SEC24A: variants seen among roughly 807,000 people sequenced by gnomAD.
The protein encoded by SEC24A is SEC24 homolog A, COPII component.
A neutral mutation model predicts 129.4 loss-of-function variants in SEC24A; 93 were observed. The ratio of observed to expected loss-of-function variants is 0.72; its 90% CI spans 0.61 to 0.85. The LOEUF (loss-of-function observed/expected upper bound fraction) is 0.85. Ranked by LOEUF, SEC24A falls within the 40% of genes least tolerant of loss-of-function variation. The pLI is 0.00. For missense variants in SEC24A, 1,264 were observed against 1,307.4 expected, an observed-to-expected ratio of 0.97 and a Z score of 0.51; for synonymous variants, 460 against 467.3, an observed-to-expected ratio of 0.98 and a Z score of 0.20.
chr5:134,721,561 C>CAAAA (rs757908828), intron 21 of SEC24A, among the ~76,000 whole-genome samples: 11 of 55,396 alleles, frequency 2.0e-4, no homozygotes, highest in South Asian at 6.0e-4. Context: ...GACTCCATCT[C>CAAAA]AAAAAAAAAA....
chr5:134,693,457 G>T, intron 12 of SEC24A: 1 of 1,377,234 alleles, frequency 7.3e-7, no homozygotes, highest in Non-Finnish European at 9.4e-7. Context: ...AACTGTGATG[G>T]TTCTTTTGGA....
chr5:134,662,973 A>G (rs1157580850), intron 2 of SEC24A, among the ~76,000 whole-genome samples: 1 of 152,166 alleles, frequency 6.6e-6, no homozygotes, highest in Non-Finnish European at 1.5e-5. Context: ...GCTCCGGCCT[A>G]GGTGACAGAG....
chr5:134,697,246 G>T lies in SEC24A; in HGVS notation c.2107G>T (p.Gly703Cys). Residue 703 changes from glycine (G) to cysteine (C), a missense_variant and splice_region_variant, in exon 14 of 23, where the codon GGT becomes TGT. Physicochemically the swap from Gly to Cys is radical, Grantham distance 159. Transcript: ENST00000398844. Reference protein sequence around the residue: ...SGQYSDLASLGCISRYSAGSV... With the variant: ...SGQYSDLASLCCISRYSAGSV... ...ACAGTATTCTGATTTGGCTTCTCTG[G>T]GTAAGTTCTTCGTAATGATTTTTTT... The T allele has an allele frequency of 6.3e-7, 1 of 1,585,612 alleles. No homozygotes were observed. Among genetic ancestry groups the T allele is most frequent in the Non-Finnish European group, 8.6e-7 (1 of 1,161,726 alleles).
chr5:134,667,721 A>AGTT, intron 3 of SEC24A, among the ~76,000 whole-genome samples: 1 of 152,080 alleles, frequency 6.6e-6, no homozygotes, highest in South Asian at 2.1e-4. Flanking sequence ...CGTAAATGTT[A>AGTT]ACACATACTT....
chr5:134,714,741 T>C (rs553853848), intron 18 of SEC24A, among the ~76,000 whole-genome samples: 7 of 152,296 alleles, frequency 4.6e-5, no homozygotes, highest in African/African-American at 1.7e-4. Flanking sequence ...CATTATATGG[T>C]AGATAGAGTG....
intron 4 of SEC24A, among the ~76,000 whole-genome samples, chr5:134,673,815 A>G (rs919109363): frequency 3.3e-5 from 5 of 152,048 alleles, no homozygotes; most frequent in Admixed American, 3.3e-4. Flanking sequence ...ACTATAGTAT[A>G]AAATATTAAC....
At chr5:134,689,925 G>T (rs748320479) in intron 11 of SEC24A, among the ~76,000 whole-genome samples, 1 of 151,516 alleles carries the variant, frequency 6.6e-6, no homozygotes, top group Non-Finnish European at 1.5e-5. Flanking sequence ...CTTATATATA[G>T]TACCTAGAAT....
intron 18 of SEC24A, 29 bp downstream of exon 18, chr5:134,708,917 C>T (rs1356506882): frequency 1.3e-6 from 2 of 1,599,282 alleles, no homozygotes; most frequent in Non-Finnish European, 1.7e-6. Context: ...GAAACTAACA[C>T]AATGATGGCC....
intron 6 of SEC24A, among the ~76,000 whole-genome samples, chr5:134,675,545 AATT>A (rs1486514572): frequency 2.0e-5 from 3 of 152,202 alleles, no homozygotes; most frequent in Admixed American, 1.3e-4. Context: ...TCTCATTTAA[AATT>A]AATTTCATAA....
intron 3 of SEC24A, among the ~76,000 whole-genome samples, chr5:134,669,277 C>T (rs940502296): frequency 1.3e-5 from 2 of 150,330 alleles, no homozygotes; most frequent in African/African-American, 4.9e-5. Context: ...AGTGATTCTC[C>T]TGCCTCAGCT....
intron 4 of SEC24A, among the ~76,000 whole-genome samples, chr5:134,673,196 C>T (rs1286045637): frequency 9.2e-5 from 14 of 151,614 alleles, no homozygotes; most frequent in Non-Finnish European, 5.9e-5. Context: ...GCTGGGATTA[C>T]AGGCACGTGC....
At chr5:134,709,253 A>G (rs553245602) in intron 18 of SEC24A, among the ~76,000 whole-genome samples, 1 of 152,250 alleles carries the variant, frequency 6.6e-6, no homozygotes, top group African/African-American at 2.4e-5. Context: ...GGAAACATCA[A>G]AAGGCAAAAT....
intron 18 of SEC24A, among the ~76,000 whole-genome samples, chr5:134,712,111 C>T (rs1436276640): frequency 6.6e-6 from 1 of 152,030 alleles, no homozygotes; most frequent in Non-Finnish European, 1.5e-5. Flanking sequence ...GGATTATAGG[C>T]GTGAGCTACC....
chr5:134,694,398 G>A (rs577026148), intron 13 of SEC24A, among the ~76,000 whole-genome samples: 31 of 152,192 alleles, frequency 2.0e-4, no homozygotes, highest in Admixed American at 1.6e-3. Flanking sequence ...GGTGGCTCAC[G>A]CTTGTAATCC....
rs963003840 is a variant in SEC24A at position 134,726,462 on chromosome 5, A to G, written c.*1368A>G. 3.3e-5 allele frequency: 5 copies of G among 152,594 alleles called. No homozygotes were observed. The highest frequency in any genetic ancestry group is 7.4e-5 in the Non-Finnish European group (5 of 68,004). 9.5% of individuals were successfully genotyped at this position (152,594 alleles called of 1,614,324 possible). A position where few individuals can be genotyped will look rare whatever the true frequency, so the allele number is the denominator to read the frequency against. On this transcript the variant is annotated 3_prime_UTR_variant, in exon 23 of 23. Transcript: ENST00000398844. ...CAATCTTGGTCTTATATGATCACCA[A>G]TGGAATAGTAACTTCCAGGTTTATA...
intron 20 of SEC24A, 29 bp downstream of exon 20, chr5:134,718,202 A>G (rs1354445212): frequency 1.4e-6 from 2 of 1,411,796 alleles, no homozygotes; most frequent in Non-Finnish European, 2.0e-6. Flanking sequence ...CCTGACCCTC[A>G]CTGCAAACTA....
At chr5:134,685,993 T>TA (rs534968315) in intron 9 of SEC24A, among the ~76,000 whole-genome samples, 8,530 of 146,334 alleles carry the variant, frequency 0.058, 302 homozygotes, top group Admixed American at 0.12. Context: ...CATCTCAAAG[T>TA]AAAAAAAAAA....
At chr5:134,664,109 C>T (rs1184839557) in intron 2 of SEC24A, among the ~76,000 whole-genome samples, 1 of 137,792 alleles carries the variant, frequency 7.3e-6, no homozygotes, top group Admixed American at 7.3e-5. Context: ...GACTCCATCT[C>T]AAAAAAAAAA....
chr5:134,665,217 G>A (rs1750616940), intron 2 of SEC24A, among the ~76,000 whole-genome samples: 2 of 151,884 alleles, frequency 1.3e-5, no homozygotes, highest in African/African-American at 4.8e-5. Flanking sequence ...GAGAGGCCGA[G>A]GCGGGTGGAT....
Sources: allele counts gnomAD v4.1 joint callset (sites outside exome capture counted in the v4.1 genomes callset), GRCh38; gene constraint gnomAD v4.1.1; transcripts MANE v1.5; gene names NCBI Gene and HGNC (gene_info 2026-07-23, HGNC 2026-07-21).